The following DIP2C variants were observed in gnomAD, a reference collection of about 807,000 sequenced individuals.
DIP2C encodes DIP2 acetate--CoA ligase C (putative), also known as disco-interacting protein 2 homolog C.
DIP2C carries 33 observed loss-of-function variants against 192.4 expected under a neutral mutation model. The ratio of observed to expected loss-of-function variants is 0.17; its 90% CI spans 0.13 to 0.23. The LOEUF (loss-of-function observed/expected upper bound fraction) is 0.23. Among genes scored for constraint, DIP2C ranks in the 10% least tolerant of loss-of-function variants. The probability of loss-of-function intolerance (pLI) is 1.00; values close to 1 mark genes in which losing one functional copy is unlikely to be tolerated. For missense variants in DIP2C, 1,537 were observed against 2,110.1 expected, an observed-to-expected ratio of 0.73 and a Z score of 5.32; for synonymous variants, 979 against 864.1, an observed-to-expected ratio of 1.13 and a Z score of -2.33.
intron 3 of DIP2C, among the ~76,000 whole-genome samples, chr10:463,759 T>G (rs928007299): frequency 9.2e-5 from 14 of 152,064 alleles, no homozygotes; most frequent in African/African-American, 3.4e-4. Context: ...AAGGCTACAG[T>G]AACCAAAACA....
Position 329,617 on chromosome 10 carries a change from A to T in DIP2C, c.3585-16T>A, listed in dbSNP as rs769033591. On this transcript the variant is annotated splice_polypyrimidine_tract_variant and intron_variant, in intron 29 of 36. Coordinates refer to ENST00000280886, the MANE Select transcript of DIP2C (RefSeq NM_014974.3). ...AGAATACACACTGCAGAGAAAGAAG[A>T]GGCTGTCAGGGCGGGAGCTCAGCAA... The T allele has an allele frequency of 1.9e-6, 3 of 1,612,712 alleles. No homozygotes were observed. The highest frequency in any genetic ancestry group is 2.7e-5 in the African/African-American group (2 of 74,898).
intron 16 of DIP2C, 35 bp downstream of exon 16, chr10:383,992 C>CCT: frequency 6.8e-7 from 1 of 1,472,910 alleles, no homozygotes; most frequent in Non-Finnish European, 8.9e-7. Flanking sequence ...CTCCACAGCC[C>CCT]GCCTGCCTCA....
chr10:371,941 C>A (rs977446672), intron 17 of DIP2C, among the ~76,000 whole-genome samples: 1 of 152,132 alleles, frequency 6.6e-6, no homozygotes, highest in African/African-American at 2.4e-5. Flanking sequence ...TTTTTAAAAG[C>A]CACATGAAAG....
At chr10:662,178 T>C in intron 1 of DIP2C, 2 of 711,944 alleles carry the variant, frequency 2.8e-6, no homozygotes, top group South Asian at 3.0e-5. Flanking sequence ...GGCACATGCA[T>C]ATTTTATCTA....
At chr10:349,295 G>C (rs3802659) in intron 25 of DIP2C, 36 bp downstream of exon 25, 52,403 of 1,585,504 alleles carry the variant, frequency 0.033, 1,799 homozygotes, top group East Asian at 0.19. Context: ...TGACCGGCTT[G>C]CCATCTCTCA....
At chr10:449,168 C>T (rs1968621396) in intron 3 of DIP2C, among the ~76,000 whole-genome samples, 1 of 151,126 alleles carries the variant, frequency 6.6e-6, no homozygotes, top group Non-Finnish European at 1.5e-5. Flanking sequence ...ACCCACTCAC[C>T]CCTGTCAATA....
intron 17 of DIP2C, among the ~76,000 whole-genome samples, chr10:379,041 G>A (rs1200640549): frequency 1.3e-5 from 2 of 152,198 alleles, no homozygotes; most frequent in Non-Finnish European, 2.9e-5. Flanking sequence ...GCCTTTCTGT[G>A]AGGGGAGAAC....
intron 1 of DIP2C, among the ~76,000 whole-genome samples, chr10:596,695 G>A (rs115569185): frequency 0.011 from 1,624 of 152,120 alleles, 30 homozygotes; most frequent in African/African-American, 0.036. Flanking sequence ...GAATGGAATC[G>A]GCATAGGGAA....
At chr10:450,499 AAC>A (rs1219650205) in intron 3 of DIP2C, among the ~76,000 whole-genome samples, 1 of 152,238 alleles carries the variant, frequency 6.6e-6, no homozygotes, top group African/African-American at 2.4e-5. Context: ...ACTTGGCTGC[AAC>A]ACACAATGTT....
intron 33 of DIP2C, 103 bp downstream of exon 33, chr10:288,261 T>C: frequency 8.6e-7 from 1 of 1,168,004 alleles, no homozygotes; most frequent in Non-Finnish European, 1.2e-6. Context: ...AAGAAATTGT[T>C]TTGGAAAAAA....
chr10:595,158 C>T (rs990761405), intron 1 of DIP2C, among the ~76,000 whole-genome samples: 4 of 152,166 alleles, frequency 2.6e-5, no homozygotes, highest in Admixed American at 6.5e-5. Flanking sequence ...AGGGCCCACA[C>T]GGAATCAAAC....
intron 1 of DIP2C, among the ~76,000 whole-genome samples, chr10:619,536 C>CCAGGGCCAGGGCCAGGGCCAGG: frequency 8.2e-6 from 1 of 122,490 alleles, no homozygotes; most frequent in African/African-American, 3.4e-5. Flanking sequence ...CAAGCCCGCC[C>CCAGGGCCAGGGCCAGGGCCAGG]GCCCGCCCTC....
chr10:328,542 A>G (rs1957368779), intron 30 of DIP2C, among the ~76,000 whole-genome samples: 3 of 152,202 alleles, frequency 2.0e-5, no homozygotes, highest in Admixed American at 6.5e-5. Flanking sequence ...ATGAAAATGT[A>G]CTCACTTTCT....
chr10:598,016 G>A lies in DIP2C; in HGVS notation c.85+91478C>T, dbSNP rs139443920. Among the ~76,000 whole-genome samples, 603 of 152,318 alleles carry A rather than the reference G, an allele frequency of 4.0e-3. 4 individuals carry two copies. Among genetic ancestry groups the A allele is most frequent in the Non-Finnish European group, 6.8e-3 (464 of 68,014 alleles). ...GACGTGGCTTCATGCACTCAGCAGC[G>A]CCATCATTAAACGTTTAGGAGGGCC... On this transcript the variant is annotated intron_variant, in intron 1 of 36. Transcript: ENST00000280886.
intron 8 of DIP2C, among the ~76,000 whole-genome samples, chr10:413,479 G>A (rs142782670): frequency 0.015 from 2,342 of 152,318 alleles, 31 homozygotes; most frequent in Non-Finnish European, 0.024. Context: ...TTAGAGCTAT[G>A]GTCACTGCTT....
chr10:349,668 T>G (rs1958696670), intron 24 of DIP2C, among the ~76,000 whole-genome samples: 1 of 152,194 alleles, frequency 6.6e-6, no homozygotes, highest in South Asian at 2.1e-4. Context: ...TCCATTTTCT[T>G]CCAACTAGGT....
chr10:359,622 TGGAA>T (rs1959213604), intron 22 of DIP2C, among the ~76,000 whole-genome samples: 2 of 152,194 alleles, frequency 1.3e-5, no homozygotes, highest in Non-Finnish European at 2.9e-5. Flanking sequence ...TGTCAGGCTC[TGGAA>T]GGAAGGGAGC....
chr10:595,406 A>G (rs1851644032), intron 1 of DIP2C, among the ~76,000 whole-genome samples: 1 of 152,146 alleles, frequency 6.6e-6, no homozygotes, highest in African/African-American at 2.4e-5. Flanking sequence ...TATGACCACA[A>G]CCTTTTGTGA....
chr10:617,222 C>T (rs11253283), intron 1 of DIP2C, among the ~76,000 whole-genome samples: 6,551 of 151,264 alleles, frequency 0.043, 183 homozygotes, highest in East Asian at 0.11. Context: ...ACACGACCTC[C>T]GCCCCCCACT....
Sources: allele counts gnomAD v4.1 joint callset (sites outside exome capture counted in the v4.1 genomes callset), GRCh38; gene constraint gnomAD v4.1.1; transcripts MANE v1.5; gene names NCBI Gene and HGNC (gene_info 2026-07-23, HGNC 2026-07-21).